The following CACNA1B variants were observed in gnomAD, a reference collection of about 807,000 sequenced individuals.
CACNA1B encodes the protein voltage-dependent N-type calcium channel subunit alpha-1B.
Under a neutral mutation model 247.2 loss-of-function variants are expected in CACNA1B, and 70 were observed. The observed-to-expected ratio is 0.28, with a 90% CI of 0.23 to 0.35. CACNA1B has a LOEUF of 0.35. Among genes scored for constraint, CACNA1B ranks in the 10% least tolerant of loss-of-function variants. CACNA1B has a pLI of 1.00. For missense variants in CACNA1B, 2,367 were observed against 3,197.4 expected, an observed-to-expected ratio of 0.74 and a Z score of 6.26; for synonymous variants, 1,231 against 1,294.4, an observed-to-expected ratio of 0.95 and a Z score of 1.05.
chr9:138,090,004 T>C (rs533527566), intron 36 of CACNA1B, among the ~76,000 whole-genome samples: 11 of 152,274 alleles, frequency 7.2e-5, no homozygotes, highest in African/African-American at 2.6e-4. Flanking sequence ...GAATTAATAT[T>C]GTGAAAAGGA....
At chr9:137,946,054 T>A (rs568255225) in intron 6 of CACNA1B, among the ~76,000 whole-genome samples, 47 of 152,138 alleles carry the variant, frequency 3.1e-4, no homozygotes, top group Admixed American at 5.9e-4. Context: ...ACTCCTGACC[T>A]CGTGATCCAC....
chr9:137,882,935 C>T lies in CACNA1B; in HGVS notation c.530+52C>T. On this transcript the variant is annotated intron_variant, in intron 3 of 46. Coordinates refer to ENST00000371372, the MANE Select transcript of CACNA1B (RefSeq NM_000718.4). This position sits in a 1 kb window ranked among gnomAD's most constrained non-coding sequence, Gnocchi z 4.0. ...AGCGTGTGAGGCCCGGGCGTGTGCT[C>T]TCTGAAGCTCAGTTGCGCCGTGGAG... 3.8e-6 allele frequency: 6 copies of T among 1,561,584 alleles called. No individual in the cohort carries two copies. In the South Asian group the frequency reaches 6.7e-5, roughly 17 times the overall value.
chr9:138,118,068 G>T lies in CACNA1B; in HGVS notation c.5900G>T (p.Arg1967Leu), dbSNP rs202026908. The stretch of plus-strand genomic sequence containing the variant: ...CACTCCACAGAGATCCCTGTGGGGC[G>T]GTCAGGAGCACTGGTGAGCACTCCC... Reference protein sequence around the residue: ...RGHSTEIPVGRSGALAVDVQM... With the variant: ...RGHSTEIPVGLSGALAVDVQM... The change falls in exon 43 of 47, where the codon CGG becomes CTG. Residue 1967 changes from arginine (R) to leucine (L), a missense_variant. Arg to Leu is a moderately radical substitution (Grantham distance 102). Around this residue, in one of 12 missense-constraint regions of CACNA1B, gnomAD observed 773 missense variants for 779.4 expected, o/e 0.99. Coordinates refer to ENST00000371372, the MANE Select transcript of CACNA1B (RefSeq NM_000718.4). The T allele has an allele frequency of 5.7e-6, 9 of 1,582,486 alleles. No individual in the cohort carries two copies. In the Admixed American group the frequency reaches 1.4e-4, roughly 24 times the overall value.
intron 6 of CACNA1B, among the ~76,000 whole-genome samples, chr9:137,940,673 A>G (rs1957723468): frequency 6.6e-6 from 1 of 152,210 alleles, no homozygotes; most frequent in Non-Finnish European, 1.5e-5. Flanking sequence ...CCTCAACAAA[A>G]TACTAGCTAA....
chr9:138,062,476 G>A (rs1177119859), intron 31 of CACNA1B, among the ~76,000 whole-genome samples: 1 of 152,204 alleles, frequency 6.6e-6, no homozygotes, highest in Non-Finnish European at 1.5e-5. Flanking sequence ...CTTGGGTTCG[G>A]TCGTAGAGGT....
At chr9:138,045,555 C>T (rs1314512031) in intron 21 of CACNA1B, among the ~76,000 whole-genome samples, 1 of 152,088 alleles carries the variant, frequency 6.6e-6, no homozygotes, top group African/African-American at 2.4e-5. Context: ...CTGACAGTGG[C>T]GGAAGGCACT....
At position 137,878,195 on chromosome 9, in the gene CACNA1B, G is replaced by T. The variant is rs1312713942; in HGVS notation, c.262G>T (p.Ala88Ser). 4.7e-6 allele frequency: 6 copies of T among 1,283,966 alleles called. No homozygotes were observed. Among genetic ancestry groups the T allele is most frequent in the Non-Finnish European group, 5.0e-6 (5 of 1,005,608 alleles). 79.5% of individuals were successfully genotyped at this position (1,283,966 alleles called of 1,614,324 possible). ...CGAGGACAACGTCGTCCGCAAATACGCGAAGCGCATCACCGAGTGGCCATA... is the reference window on the plus strand; with the variant it reads ...CGAGGACAACGTCGTCCGCAAATACTCGAAGCGCATCACCGAGTGGCCATA... ...FSEDNVVRKY[A>S]KRITEWPPFE... The change falls in exon 1 of 47, where the codon GCG becomes TCG. Residue 88 changes from alanine to serine, a missense_variant. Coordinates refer to ENST00000371372, the MANE Select transcript of CACNA1B (RefSeq NM_000718.4).
At position 138,070,658 on chromosome 9, in the gene CACNA1B, C is replaced by G. The variant is rs529661727; in HGVS notation, c.4674+895C>G. On this transcript the variant is annotated intron_variant, in intron 32 of 46. Transcript: ENST00000371372. Reference sequence around the variant, plus strand: ...GAAGAGCTAGCGTTTTGAGAAAATACCATTTAATGCTGCAGAAACACCCAG... The same window carrying G: ...GAAGAGCTAGCGTTTTGAGAAAATAGCATTTAATGCTGCAGAAACACCCAG... 1.3e-4 allele frequency among the ~76,000 whole-genome samples: 20 copies of G among 152,358 alleles called. No homozygotes were observed. In the East Asian group the frequency reaches 3.9e-3, roughly 29 times the overall value.
At position 138,114,473 on chromosome 9, in the gene CACNA1B, C is replaced by G. The variant is rs745417071; in HGVS notation, c.5632C>G (p.Pro1878Ala). 3 of 1,570,526 alleles carry G rather than the reference C, an allele frequency of 1.9e-6. No individual in the cohort carries two copies. The East Asian group carries it at 6.9e-5, about 36-fold the overall frequency. Residue 1878 changes from proline to alanine, a missense_variant, in exon 41 of 47, where the codon CCT becomes GCT. Physicochemically the swap from Pro to Ala is conservative, Grantham distance 27 (BLOSUM62 -1). Transcript: ENST00000371372. ...KTTRDQMQQA[P>A]GGLSQMGPVS... is the part of the protein sequence containing the mutation. ...CACCAGAGACCAGATGCAGCAGGCT[C>G]CTGGAGGCCTCTCCCAGGTAGCTGG...
In CACNA1B at chr9:138,043,861, T is replaced by C. The variant is rs1340399379; in HGVS notation, c.3374T>C (p.Val1125Ala). Reference sequence around the variant, plus strand: ...ATGAGGAGCGGCCCCCGGCCTATCGTCCCATACAGCTCCATGTTCTGTTTA... The same window carrying C: ...ATGAGGAGCGGCCCCCGGCCTATCGCCCCATACAGCTCCATGTTCTGTTTA... ...DVMRSGPRPI[V>A]PYSSMFCLSP... is the part of the protein sequence containing the mutation. The change falls in exon 21 of 47, where the codon GTC becomes GCC. Residue 1125 changes from valine (V) to alanine (A), a missense_variant. This residue lies in a region of CACNA1B where 631 missense variants were observed against 631.1 expected (regional missense o/e 1.00). Coordinates refer to ENST00000371372, the MANE Select transcript of CACNA1B (RefSeq NM_000718.4). The C allele has an allele frequency of 6.2e-7, 1 of 1,613,824 alleles. No homozygotes were observed. Among genetic ancestry groups the C allele is most frequent in the Non-Finnish European group, 8.5e-7 (1 of 1,179,870 alleles).
In CACNA1B at chr9:137,913,683, A is replaced by T. The variant is rs1957381793; in HGVS notation, c.622+412A>T. Among the ~76,000 whole-genome samples the T allele has an allele frequency of 1.3e-5, 2 of 152,140 alleles. No individual in the cohort carries two copies. The highest frequency in any genetic ancestry group is 4.8e-5 in the African/African-American group (2 of 41,438). ...CTCAGTCTTGTCAGGGCCACTGGGG[A>T]CTGAGGCCAGCCTTAAGACATGCTC... On this transcript the variant is annotated intron_variant, in intron 4 of 46. Coordinates refer to ENST00000371372, the MANE Select transcript of CACNA1B (RefSeq NM_000718.4). The surrounding 1 kb of genome is among the most constrained non-coding windows in gnomAD (Gnocchi z 5.2).
chr9:137,928,177 A>G (rs1470919927), intron 6 of CACNA1B, among the ~76,000 whole-genome samples: 1 of 152,104 alleles, frequency 6.6e-6, no homozygotes, highest in Non-Finnish European at 1.5e-5. Context: ...GGCTCACTGC[A>G]ATCTCCGCCT....
intron 36 of CACNA1B, among the ~76,000 whole-genome samples, chr9:138,081,468 G>C (rs1424748615): frequency 2.6e-5 from 4 of 151,976 alleles, no homozygotes; most frequent in Non-Finnish European, 5.9e-5. Flanking sequence ...GGTTTGGTCT[G>C]ATAGAGAAGT....
intron 6 of CACNA1B, among the ~76,000 whole-genome samples, chr9:137,921,698 G>T (rs552004566): frequency 6.8e-6 from 1 of 146,822 alleles, no homozygotes; most frequent in Non-Finnish European, 1.5e-5. Flanking sequence ...CGGAGAACAC[G>T]ATCAGCACCA....
chr9:138,103,659 C>T (rs1345755158), intron 38 of CACNA1B, among the ~76,000 whole-genome samples: 1 of 152,218 alleles, frequency 6.6e-6, no homozygotes, highest in African/African-American at 2.4e-5. Flanking sequence ...AGCACCCACC[C>T]ACCTACTCAA....
In CACNA1B at chr9:137,937,947, C is replaced by CAA. The variant is rs57680122; in HGVS notation, c.967-14297_967-14296dup. Among the ~76,000 whole-genome samples the CAA allele has an allele frequency of 9.1e-3, 198 of 21,796 alleles. 4 individuals are homozygous for CAA. The highest frequency in any genetic ancestry group is 9.9e-3 in the Non-Finnish European group (107 of 10,772). 14.3% of individuals were successfully genotyped at this position (21,796 alleles called of 152,430 possible). A position where few individuals can be genotyped will look rare whatever the true frequency, so the allele number is the denominator to read the frequency against. ...GGGCAACAAGAATGAAACTCTGTCTCAAAAAAAAAAAAAAAAAAAAAAAAA... is the reference window on the plus strand; with the variant it reads ...GGGCAACAAGAATGAAACTCTGTCTCAAAAAAAAAAAAAAAAAAAAAAAAAAA... On this transcript the variant is annotated intron_variant, in intron 6 of 46. Transcript: ENST00000371372.
chr9:138,096,686 T>C (rs1961067203), intron 37 of CACNA1B, 75 bp downstream of exon 37: 2 of 1,477,556 alleles, frequency 1.4e-6, no homozygotes, highest in Non-Finnish European at 9.2e-7. Context: ...CCTGGTGGCT[T>C]CAGACATGTT....
Position 138,058,390 on chromosome 9 carries a change from C to G in CACNA1B, c.4308+140C>G. 2 of 950,820 alleles carry G rather than the reference C, an allele frequency of 2.1e-6. No homozygotes were observed. Among genetic ancestry groups the G allele is most frequent in the Non-Finnish European group, 3.3e-6 (2 of 612,006 alleles). The allele number at this position is 950,820 out of a possible 1,614,324, so 58.9% of individuals were successfully genotyped here. On this transcript the variant is annotated intron_variant, in intron 28 of 46. Coordinates refer to ENST00000371372, the MANE Select transcript of CACNA1B (RefSeq NM_000718.4). This position sits in a 1 kb window ranked among gnomAD's most constrained non-coding sequence, Gnocchi z 4.7. ...AACACAGGGGCAGGTCCTCCTTTCT[C>G]CTGCAGAGGGACCGGATTTGGCTGG...
chr9:138,046,574 A>C (rs138149746), intron 21 of CACNA1B, among the ~76,000 whole-genome samples: 79 of 152,372 alleles, frequency 5.2e-4, no homozygotes, highest in Non-Finnish European at 9.7e-4. Context: ...GTTGGTAGTG[A>C]ATGGATGTAG....
Sources: allele counts gnomAD v4.1 joint callset (sites outside exome capture counted in the v4.1 genomes callset), GRCh38; gene constraint gnomAD v4.1.1; regional missense constraint gnomAD v4.1.1; non-coding constraint Gnocchi (gnomAD v3.1); transcripts MANE v1.5; gene names NCBI Gene and HGNC (gene_info 2026-07-23, HGNC 2026-07-21).